SKAP2: variants seen among roughly 807,000 people sequenced by gnomAD.
SKAP2 encodes the protein src kinase-associated phosphoprotein 2.
In SKAP2, 28 loss-of-function variants were observed where a neutral mutation model predicts 54.9. That is an observed-to-expected ratio of 0.51 (90% CI 0.38 to 0.70). The LOEUF (loss-of-function observed/expected upper bound fraction) is 0.70. SKAP2 is among the 30% of genes least tolerant of loss of function. SKAP2 has a pLI of 0.00. For synonymous variants in SKAP2, 137 were observed against 134.3 expected (o/e 1.02, Z -0.14); for missense variants, 356 against 424.1 (o/e 0.84, Z 1.41).
At chr7:26,717,677 CA>C (rs1787482745) in intron 9 of SKAP2, among the ~76,000 whole-genome samples, 2 of 148,426 alleles carry the variant, frequency 1.3e-5, no homozygotes, top group Non-Finnish European at 3.0e-5. Flanking sequence ...AAAAAAAATA[CA>C]AAAAATTAGC....
chr7:26,697,992 T>C (rs1285584430), intron 9 of SKAP2, among the ~76,000 whole-genome samples: 1 of 152,212 alleles, frequency 6.6e-6, no homozygotes, highest in Non-Finnish European at 1.5e-5. Context: ...TTGCTTTAAA[T>C]TTTATTAGAT....
At chr7:26,762,106 A>G (rs1389438100) in intron 4 of SKAP2, among the ~76,000 whole-genome samples, 1 of 152,026 alleles carries the variant, frequency 6.6e-6, no homozygotes, top group Non-Finnish European at 1.5e-5. Context: ...AAATTATGAT[A>G]TTGCAAAGTT....
chr7:26,781,880 A>G (rs1281168875), intron 4 of SKAP2, among the ~76,000 whole-genome samples: 1 of 152,112 alleles, frequency 6.6e-6, no homozygotes, highest in Non-Finnish European at 1.5e-5. Flanking sequence ...CTCACACTAT[A>G]GACACTCTTC....
rs148026854 is a variant in SKAP2, at chr7:26,841,002, C to A, written c.307+3028G>T. On this transcript the variant is annotated intron_variant, in intron 4 of 12. Coordinates refer to ENST00000345317, the MANE Select transcript of SKAP2 (RefSeq NM_003930.5). ...TTTAAGCTACAAGCTATACAAAAAT[C>A]TGTCACCATCTATGTTACAATTCTA... Among the ~76,000 whole-genome samples the A allele has an allele frequency of 2.1e-3, 326 of 152,162 alleles. 1 individual carries two copies. The highest frequency in any genetic ancestry group is 7.5e-3 in the African/African-American group (312 of 41,562).
At chr7:26,786,336 T>C (rs1411869847) in intron 4 of SKAP2, among the ~76,000 whole-genome samples, 1 of 152,196 alleles carries the variant, frequency 6.6e-6, no homozygotes. Flanking sequence ...CTCACAGAAA[T>C]TACATTCTAG....
the SKAP2 span, among the ~76,000 whole-genome samples, chr7:26,660,840 C>A: frequency 6.6e-6 from 1 of 151,930 alleles, no homozygotes; most frequent in Non-Finnish European, 1.5e-5. Context: ...ATCAAGGAAT[C>A]ACATCACAAA....
At chr7:26,719,199 G>C (rs2127953370) in intron 9 of SKAP2, among the ~76,000 whole-genome samples, 1 of 152,110 alleles carries the variant, frequency 6.6e-6, no homozygotes, top group South Asian at 2.1e-4. Flanking sequence ...AGAAATCTAA[G>C]ATTTAGCAAT....
intron 6 of SKAP2, among the ~76,000 whole-genome samples, chr7:26,734,523 T>C (rs1787883914): frequency 6.6e-6 from 1 of 152,142 alleles, no homozygotes; most frequent in East Asian, 1.9e-4. Flanking sequence ...TTACCCTTCT[T>C]CCCTGTCTTA....
chr7:26,661,701 G>T, the SKAP2 span, among the ~76,000 whole-genome samples: 1 of 152,078 alleles, frequency 6.6e-6, no homozygotes, highest in East Asian at 1.9e-4. Context: ...ATCAATTTCT[G>T]TTATAAATAA....
At chr7:26,813,027 T>C (rs933114189) in intron 4 of SKAP2, among the ~76,000 whole-genome samples, 2 of 152,178 alleles carry the variant, frequency 1.3e-5, no homozygotes, top group Non-Finnish European at 2.9e-5. Context: ...TCACGCTGTA[T>C]TCAGAATTCA....
At chr7:26,777,719 A>G (rs17154519) in intron 4 of SKAP2, among the ~76,000 whole-genome samples, 2,435 of 152,254 alleles carry the variant, frequency 0.016, 63 homozygotes, top group African/African-American at 0.055. Flanking sequence ...GATGGTAACA[A>G]TATATCACAA....
chr7:26,672,388 A>G (rs899701909), intron 11 of SKAP2, among the ~76,000 whole-genome samples: 1 of 152,030 alleles, frequency 6.6e-6, no homozygotes, highest in Non-Finnish European at 1.5e-5. Flanking sequence ...AGATTTATTA[A>G]CTAGAAAGCA....
In SKAP2 at chr7:26,669,008, T is replaced by C. The variant is rs985386716; in HGVS notation, c.*658A>G. 1 of 152,148 alleles carries C rather than the reference T, an allele frequency of 6.6e-6. No individual in the cohort carries two copies. 9.4% of individuals were successfully genotyped at this position (152,148 alleles called of 1,614,324 possible). A position where few individuals can be genotyped will look rare whatever the true frequency, so the allele number is the denominator to read the frequency against. ...GCACCAGGATATTTGTACGGTAAAATGCTTTGCATGAGTCATACTTCTGGT... is the reference window on the plus strand; with the variant it reads ...GCACCAGGATATTTGTACGGTAAAACGCTTTGCATGAGTCATACTTCTGGT... On this transcript the variant is annotated 3_prime_UTR_variant, in exon 13 of 13. Coordinates refer to ENST00000345317, the MANE Select transcript of SKAP2 (RefSeq NM_003930.5).
At chr7:26,656,413 T>C in the SKAP2 span, among the ~76,000 whole-genome samples, 12 of 152,248 alleles carry the variant, frequency 7.9e-5, no homozygotes, top group Non-Finnish European at 1.0e-4. Flanking sequence ...GTTCATATCA[T>C]AGTCGTTCAC....
intron 4 of SKAP2, among the ~76,000 whole-genome samples, chr7:26,806,083 A>G (rs1407361853): frequency 6.6e-6 from 1 of 152,178 alleles, no homozygotes; most frequent in East Asian, 1.9e-4. Context: ...ATAGGATAGC[A>G]TATTTCATTG....
intron 9 of SKAP2, among the ~76,000 whole-genome samples, chr7:26,705,437 A>T (rs1485104403): frequency 6.6e-6 from 1 of 152,194 alleles, no homozygotes; most frequent in African/African-American, 2.4e-5. Flanking sequence ...AGAATACACA[A>T]AATGACATAT....
chr7:26,689,050 T>G (rs1457113429), intron 10 of SKAP2, among the ~76,000 whole-genome samples: 1 of 152,166 alleles, frequency 6.6e-6, no homozygotes, highest in African/African-American at 2.4e-5. Context: ...GAAAAAACAC[T>G]AACCAAAACC....
chr7:26,733,426 A>C (rs1487422388), intron 6 of SKAP2, among the ~76,000 whole-genome samples: 1 of 151,934 alleles, frequency 6.6e-6, no homozygotes, highest in African/African-American at 2.4e-5. Context: ...TCAGAAGAAA[A>C]AAGGTAAGCT....
the SKAP2 span, among the ~76,000 whole-genome samples, chr7:26,655,765 G>A: frequency 2.6e-5 from 4 of 152,252 alleles, no homozygotes; most frequent in Non-Finnish European, 5.9e-5. Flanking sequence ...GGATATTATA[G>A]TTGTAAGTAT....
Sources: gnomAD v4.1 joint callset for allele counts (sites outside exome capture counted in the v4.1 genomes callset) on GRCh38, gnomAD v4.1.1 for gene constraint, MANE v1.5 for transcripts, NCBI Gene and HGNC (gene_info 2026-07-23, HGNC 2026-07-21) for gene names.